Variants in CPSF4L observed in about 807,000 individuals in gnomAD.
CPSF4L encodes putative cleavage and polyadenylation specificity factor subunit 4-like protein.
In CPSF4L, 18 loss-of-function variants were observed where a neutral mutation model predicts 24.0. The observed-to-expected ratio is 0.75, with a 90% confidence interval of 0.52 to 1.11. The LOEUF (loss-of-function observed/expected upper bound fraction) is 1.11. Among genes scored for constraint, CPSF4L ranks in the 50% least tolerant of loss-of-function variants. CPSF4L has a pLI of 0.00. For synonymous variants in CPSF4L, 72 were observed against 77.2 expected, an observed-to-expected ratio of 0.93 and a Z score of 0.35; for missense variants, 211 against 221.8, an observed-to-expected ratio of 0.95 and a Z score of 0.31.
downstream of CPSF4L, chr17:73,248,313 G>T: frequency 1.6e-6 from 1 of 610,610 alleles, no homozygotes. Context: ...GTGTGAGGCG[G>T]GGTAACTACT....
chr17:73,242,819 G>A, the CPSF4L span: 1 of 1,162,606 alleles, frequency 8.6e-7, no homozygotes, highest in Non-Finnish European at 1.2e-6. Context: ...AGGCTAACTG[G>A]GAAAACTTGA....
chr17:73,254,631 A>G (rs1279915424), intron 3 of CPSF4L, among the ~76,000 whole-genome samples: 5 of 152,068 alleles, frequency 3.3e-5, no homozygotes, highest in Non-Finnish European at 7.4e-5. Context: ...GGCCCAGGCT[A>G]CCCAAGTGTC....
chr17:73,250,891 C>CA (rs1356190024), intron 5 of CPSF4L: 1 of 1,110,022 alleles, frequency 9.0e-7, no homozygotes, highest in Non-Finnish European at 1.2e-6. Flanking sequence ...GAAAAGGAGT[C>CA]ATTCTCCAGC....
chr17:73,247,329 A>T (rs141318590), downstream of CPSF4L: 6 of 1,613,496 alleles, frequency 3.7e-6, no homozygotes, highest in Non-Finnish European at 5.1e-6. Context: ...GCTCTAAAAC[A>T]TGTTTGGATT....
chr17:73,261,829 C>T lies in CPSF4L; in HGVS notation c.-11G>A, dbSNP rs2062047935. ...AATGACCTCTTGCATCTTCCGTCTCCTGCTGGGGCTGCGGAAGCTGCTGGA... is the reference window on the plus strand; with the variant it reads ...AATGACCTCTTGCATCTTCCGTCTCTTGCTGGGGCTGCGGAAGCTGCTGGA... On this transcript the variant is annotated 5_prime_UTR_variant, in exon 1 of 6. Transcript: ENST00000344935. The T allele has an allele frequency of 6.5e-7, 1 of 1,548,794 alleles. No individual in the cohort carries two copies. Among genetic ancestry groups the T allele is most frequent in the African/African-American group, 1.4e-5 (1 of 73,134 alleles).
chr17:73,248,401 G>C (rs2061981355), downstream of CPSF4L: 5 of 1,140,514 alleles, frequency 4.4e-6, no homozygotes, highest in Admixed American at 1.0e-4. Context: ...TATAAGTTTT[G>C]TCTCTTAAAA....
chr17:73,251,107 G>A (rs556797242), intron 5 of CPSF4L: 47 of 1,541,168 alleles, frequency 3.0e-5, no homozygotes, highest in Non-Finnish European at 3.9e-5. Context: ...GCAAGCTACA[G>A]CTGAAGTGCA....
At chr17:73,250,438 A>G in intron 5 of CPSF4L, 1 of 1,212,730 alleles carries the variant, frequency 8.2e-7, no homozygotes, top group East Asian at 2.6e-5. Flanking sequence ...AGCTTATTTC[A>G]GGCATTCAAG....
At chr17:73,244,285 G>T (rs12600798), downstream of CPSF4L, among the ~76,000 whole-genome samples, 4 of 151,994 alleles carry the variant, frequency 2.6e-5, no homozygotes, top group East Asian at 7.7e-4. Flanking sequence ...TTTTGGGGCC[G>T]GGCGCGGTGG....
intron 5 of CPSF4L, chr17:73,250,352 C>G: frequency 6.5e-7 from 1 of 1,548,374 alleles, no homozygotes; most frequent in Non-Finnish European, 8.7e-7. Flanking sequence ...ATTCAGATTT[C>G]TAAAGATGTC....
intron 4 of CPSF4L, 104 bp from the exon 5 acceptor site, chr17:73,252,827 C>T: frequency 1.5e-6 from 1 of 676,052 alleles, no homozygotes; most frequent in Non-Finnish European, 2.6e-6. Flanking sequence ...ATAGGGGCTT[C>T]ACTTAATAGG....
At chr17:73,257,304 G>A (rs1350372530) in intron 3 of CPSF4L, among the ~76,000 whole-genome samples, 3 of 152,138 alleles carry the variant, frequency 2.0e-5, no homozygotes, top group Non-Finnish European at 2.9e-5. Flanking sequence ...AGCAGGCATC[G>A]TGAATGTGGC....
rs1446831391 is a variant in CPSF4L, at chr17:73,257,742, G to A, written c.246C>T (p.Cys82=). The A allele has an allele frequency of 6.4e-7, 1 of 1,551,594 alleles. No individual in the cohort carries two copies. Among genetic ancestry groups the A allele is most frequent in the East Asian group, 2.4e-5 (1 of 40,916 alleles). ...TGAGGTCATACTGGTGCAGGAACTT[G>A]CAGTGATCACCCTTCTTGCAGAGCC... ...LRGLCKKGDH[C]KFLHQYDLTR... Residue 82 remains cysteine (C), a synonymous_variant, in exon 3 of 6, where the codon TGC becomes TGT. Transcript: ENST00000344935.
chr17:73,250,958 G>A, intron 5 of CPSF4L: 1 of 1,511,282 alleles, frequency 6.6e-7, no homozygotes, highest in African/African-American at 1.4e-5. Flanking sequence ...CAGCCCTGTG[G>A]GTTCCTTTGT....
chr17:73,244,759 T>A (rs1175242292), downstream of CPSF4L: 1 of 158,536 alleles, frequency 6.3e-6, no homozygotes, highest in Non-Finnish European at 1.4e-5. Flanking sequence ...ATGAAATCAG[T>A]GCCTAGTGAG....
chr17:73,259,915 T>G (rs2062038985), intron 2 of CPSF4L, among the ~76,000 whole-genome samples: 2 of 152,110 alleles, frequency 1.3e-5, no homozygotes, highest in African/African-American at 2.4e-5. Context: ...ACCCTAAAAC[T>G]GGAAGCCAGT....
At chr17:73,246,127 C>T (rs976023531), downstream of CPSF4L, among the ~76,000 whole-genome samples, 19 of 152,174 alleles carry the variant, frequency 1.2e-4, no homozygotes, top group African/African-American at 4.3e-4. Flanking sequence ...TCCTTTCTAA[C>T]GTAGAGGGTT....
chr17:73,249,419 A>G (rs2145271552), intron 5 of CPSF4L, among the ~76,000 whole-genome samples: 1 of 152,284 alleles, frequency 6.6e-6, no homozygotes, highest in South Asian at 2.1e-4. Flanking sequence ...TGATTTGCCT[A>G]CGTAGCTCTG....
intron 5 of CPSF4L, chr17:73,250,337 T>C (rs988587016): frequency 6.5e-7 from 1 of 1,549,968 alleles, no homozygotes; most frequent in Non-Finnish European, 8.7e-7. Flanking sequence ...CATGACTTTT[T>C]GTAAATTCAG....
Sources: gnomAD v4.1 joint callset for allele counts (sites outside exome capture counted in the v4.1 genomes callset) on GRCh38, gnomAD v4.1.1 for gene constraint, MANE v1.5 for transcripts, NCBI Gene and HGNC (gene_info 2026-07-23, HGNC 2026-07-21) for gene names.